The following KMT2A variants were observed in gnomAD, a reference collection of about 807,000 sequenced individuals.
The protein encoded by KMT2A is histone-lysine N-methyltransferase 2A.
In KMT2A, 16 loss-of-function variants were observed where a neutral mutation model predicts 345.3. The ratio of observed to expected loss-of-function variants is 0.05; its 90% CI spans 0.03 to 0.07. The LOEUF (loss-of-function observed/expected upper bound fraction) is 0.07, where lower values mean the gene tolerates loss of function less well. KMT2A is among the 10% of genes least tolerant of loss of function. The probability of loss-of-function intolerance (pLI) is 1.00; values close to 1 mark genes in which losing one functional copy is unlikely to be tolerated. For synonymous variants in KMT2A, 1,599 were observed against 1,778.6 expected (o/e 0.90, Z 2.54); for missense variants, 3,272 against 4,841.6 (o/e 0.68, Z 9.62).
chr11:118,482,683 G>A (rs1228348480), intron 8 of KMT2A, among the ~76,000 whole-genome samples, 188 bp downstream of exon 8: 1 of 151,778 alleles, frequency 6.6e-6, no homozygotes, highest in Admixed American at 6.6e-5. Flanking sequence ...GCTGAGGTGG[G>A]AGGATTGCTT....
At position 118,473,759 on chromosome 11, in the gene KMT2A, G is replaced by A. The variant is rs782215946; in HGVS notation, c.2600G>A (p.Ser867Asn). Residue 867 changes from serine (S) to asparagine (N), a missense_variant, in exon 3 of 36, where the codon AGC becomes AAC. By Grantham distance (46) the Ser-to-Asn change is conservative. Transcript: ENST00000534358. This position sits in a 1 kb window ranked among gnomAD's most constrained non-coding sequence, Gnocchi z 5.2. The stretch of plus-strand genomic sequence containing the variant: ...TCCAAAGATCGAGATGCTGACAAGA[G>A]CGTGGAGAAGGACAAGAGTAGAGAG... The part of the protein sequence containing the change: ...ELSKDRDADK[S>N]VEKDKSRERD... The A allele has an allele frequency of 9.9e-6, 16 of 1,613,844 alleles. No individual in the cohort carries two copies. Among genetic ancestry groups the A allele is most frequent in the Admixed American group, 8.3e-5 (5 of 59,958 alleles).
intron 1 of KMT2A, among the ~76,000 whole-genome samples, chr11:118,444,050 C>G (rs1010227611): frequency 1.3e-5 from 2 of 152,180 alleles, no homozygotes; most frequent in Non-Finnish European, 2.9e-5. Context: ...TTTACAGCAT[C>G]AAGGTAATGG....
chr11:118,501,564 C>A, intron 25 of KMT2A, 108 bp from the exon 26 acceptor site: 1 of 874,336 alleles, frequency 1.1e-6, no homozygotes. Flanking sequence ...TGGGAAGTCT[C>A]ATTTGCTTCT....
chr11:118,474,439 G>GTGGTAT, intron 3 of KMT2A, 124 bp downstream of exon 3: 1 of 1,256,254 alleles, frequency 8.0e-7, no homozygotes, highest in South Asian at 1.6e-5. Flanking sequence ...GGTGGAGGCA[G>GTGGTAT]TGGTATTTGC....
rs145816717 is a variant in KMT2A, at chr11:118,496,736, G to A, written c.5664+369G>A. ...GTGTTTCATATAGGATAGCAGAATCGTTAAGAGCCCGAGTTCTGCCGCCTG... is the reference window on the plus strand; with the variant it reads ...GTGTTTCATATAGGATAGCAGAATCATTAAGAGCCCGAGTTCTGCCGCCTG... On this transcript the variant is annotated intron_variant, in intron 20 of 35. Transcript: ENST00000534358. This position sits in a 1 kb window ranked among gnomAD's most constrained non-coding sequence, Gnocchi z 4.7. 4.6e-5 allele frequency among the ~76,000 whole-genome samples: 7 copies of A among 152,228 alleles called. No individual in the cohort carries two copies. In the East Asian group the frequency reaches 5.8e-4, roughly 13 times the overall value.
rs138846300 is a variant in KMT2A at position 118,520,594 on chromosome 11, T to G, written c.11430-208T>G. 9.8e-4 allele frequency: 536 copies of G among 548,520 alleles called. 4 individuals are homozygous for G. Among genetic ancestry groups the G allele is most frequent in the African/African-American group, 9.0e-3 (473 of 52,644 alleles). 34.0% of individuals were successfully genotyped at this position (548,520 alleles called of 1,614,324 possible). A position where few individuals can be genotyped will look rare whatever the true frequency, so the allele number is the denominator to read the frequency against. On this transcript the variant is annotated intron_variant, in intron 33 of 35. Coordinates refer to ENST00000534358, the MANE Select transcript of KMT2A (RefSeq NM_001197104.2). The surrounding 1 kb of genome is among the most constrained non-coding windows in gnomAD (Gnocchi z 4.3). ...TGAACCCAGGAGGCGGAGGTTACAG[T>G]GAGCCGAGATCGCACCACTGGACTC...
intron 27 of KMT2A, 71 bp downstream of exon 27, chr11:118,506,717 G>C: frequency 4.2e-6 from 6 of 1,440,348 alleles, no homozygotes; most frequent in Non-Finnish European, 5.6e-6. Flanking sequence ...CTGTTGATGT[G>C]GTAGTCCGGG....
Sources: allele counts gnomAD v4.1 joint callset (sites outside exome capture counted in the v4.1 genomes callset), GRCh38; gene constraint gnomAD v4.1.1; non-coding constraint Gnocchi (gnomAD v3.1); transcripts MANE v1.5; gene names NCBI Gene and HGNC (gene_info 2026-07-23, HGNC 2026-07-21).